KIF21B: variants seen among roughly 807,000 people sequenced by gnomAD.
The protein encoded by KIF21B is kinesin family member 21B, also known as kinesin-like protein KIF21B.
Under a neutral mutation model 192.9 loss-of-function variants are expected in KIF21B, and 85 were observed. The ratio of observed to expected loss-of-function variants is 0.44; its 90% CI spans 0.37 to 0.53. KIF21B has a LOEUF of 0.53. KIF21B is among the 20% of genes least tolerant of loss of function. The probability of loss-of-function intolerance (pLI) is 0.00; values close to 1 mark genes in which losing one functional copy is unlikely to be tolerated. For missense variants in KIF21B, 1,716 were observed against 2,194.8 expected (o/e 0.78, Z 4.36); for synonymous variants, 832 against 884.6 (o/e 0.94, Z 1.05).
Position 200,999,897 on chromosome 1 carries a change from T to C in KIF21B, c.1753A>G (p.Asn585Asp). The C allele has an allele frequency of 1.2e-6, 2 of 1,613,850 alleles. No homozygotes were observed. The highest frequency in any genetic ancestry group is 1.7e-6 in the Non-Finnish European group (2 of 1,180,010). Residue 585 changes from asparagine (N) to aspartate (D), a missense_variant, in exon 12 of 35, where the codon AAC (asparagine) becomes GAC (aspartate). This residue lies in a region of KIF21B where 1,087 missense variants were observed against 1,316.6 expected (regional missense o/e 0.83). Coordinates refer to ENST00000461742, the MANE Select transcript of KIF21B (RefSeq NM_001252102.2). The surrounding 1 kb of genome is among the most constrained non-coding windows in gnomAD (Gnocchi z 4.7). The stretch of plus-strand genomic sequence containing the variant: ...GTGCTCCTCACCTCCTCCGCCTCGT[T>C]CTCATCCGTCTCCTCGCTGTTCTCC... The part of the protein sequence containing the change: ...QQENSEETDE[N>D]EAEEEEEERD...
chr1:201,006,282 G>A (rs1189368667), intron 3 of KIF21B, among the ~76,000 whole-genome samples: 1 of 152,244 alleles, frequency 6.6e-6, no homozygotes, highest in East Asian at 1.9e-4. Flanking sequence ...GTGGGGAGGG[G>A]GCCTGGCCAG....
At position 200,979,403 on chromosome 1, in the gene KIF21B, T is replaced by G. The variant is rs568412712; in HGVS notation, c.4160+132A>C. On this transcript the variant is annotated intron_variant, in intron 30 of 34. Coordinates refer to ENST00000461742, the MANE Select transcript of KIF21B (RefSeq NM_001252102.2). Reference sequence around the variant, plus strand: ...GTACCCCAGGGTCAAGCCAAGTTCATAGGCTGGTAATGGTCTCTGTGCCCA... The same window carrying G: ...GTACCCCAGGGTCAAGCCAAGTTCAGAGGCTGGTAATGGTCTCTGTGCCCA... The G allele has an allele frequency of 1.5e-5, 9 of 600,854 alleles. 1 individual carries two copies. In the South Asian group the frequency reaches 2.3e-4, roughly 15 times the overall value. The allele number at this position is 600,854 out of a possible 1,614,324, so 37.2% of individuals were successfully genotyped here.
intron 3 of KIF21B, among the ~76,000 whole-genome samples, chr1:201,007,128 A>T (rs1222675790): frequency 5.7e-4 from 84 of 146,254 alleles, no homozygotes; most frequent in East Asian, 1.0e-3. Flanking sequence ...AGACACCCAC[A>T]CACAGACACA....
At chr1:200,980,823 G>T in intron 29 of KIF21B, 137 bp downstream of exon 29, 1 of 1,079,458 alleles carries the variant, frequency 9.3e-7, no homozygotes, top group Non-Finnish European at 1.3e-6. Context: ...AGAAACAAGG[G>T]TAGTAAGCAA....
intron 30 of KIF21B, among the ~76,000 whole-genome samples, chr1:200,978,186 AT>A (rs1655685074): frequency 6.6e-6 from 1 of 151,564 alleles, no homozygotes; most frequent in Non-Finnish European, 1.5e-5. Flanking sequence ...AGTAGCTGGG[AT>A]TACAGGCATG....
At chr1:200,974,151 G>A (rs1653852459) in intron 34 of KIF21B, 6 of 1,595,030 alleles carry the variant, frequency 3.8e-6, no homozygotes, top group Non-Finnish European at 5.1e-6. Flanking sequence ...GGAAGGCAGG[G>A]GGTGAGTCCA....
In KIF21B at chr1:201,004,417, C is replaced by A; in HGVS notation, c.939G>T (p.Gln313His). 1 of 1,581,768 alleles carries A rather than the reference C, an allele frequency of 6.3e-7. No individual in the cohort carries two copies. Among genetic ancestry groups the A allele is most frequent in the East Asian group, 2.3e-5 (1 of 43,830 alleles). ...AGGGAACGTGCACCACCTTCTTGCT[C>A]TGGTCCCCTAAGGCGCTGATCACAT... ...LGNVISALGD[Q>H]SKKVVHVPYR... Residue 313 changes from glutamine (Q) to histidine (H), a missense_variant, in exon 7 of 35, where the codon CAG (glutamine) becomes CAT (histidine). Gln to His is a conservative substitution (Grantham distance 24, BLOSUM62 0). Coordinates refer to ENST00000461742, the MANE Select transcript of KIF21B (RefSeq NM_001252102.2).
intron 23 of KIF21B, 43 bp downstream of exon 23, chr1:200,988,450 A>T (rs545612344): frequency 6.2e-7 from 1 of 1,609,646 alleles, no homozygotes; most frequent in African/African-American, 1.3e-5. Context: ...AGCCCCAGGT[A>T]CATGCTGTGA....
At chr1:200,976,080 C>A (rs192326354) in intron 32 of KIF21B, among the ~76,000 whole-genome samples, 1 of 152,204 alleles carries the variant, frequency 6.6e-6, no homozygotes, top group East Asian at 1.9e-4. Flanking sequence ...CCCTGAAAAC[C>A]CTACTTCTTT....
At chr1:201,016,356 G>A (rs1312013120) in intron 1 of KIF21B, among the ~76,000 whole-genome samples, 1 of 152,218 alleles carries the variant, frequency 6.6e-6, no homozygotes, top group Non-Finnish European at 1.5e-5. Flanking sequence ...GCTGAAGCCT[G>A]GAGCAGGGAG....
chr1:200,986,965 C>T (rs1395641712), intron 25 of KIF21B, 31 bp downstream of exon 25: 1 of 1,612,868 alleles, frequency 6.2e-7, no homozygotes, highest in Non-Finnish European at 8.5e-7. Context: ...TCCACCTCCA[C>T]TCCAACCCAC....
At position 201,023,314 on chromosome 1, in the gene KIF21B, G is replaced by A. The variant is rs2102493601; in HGVS notation, c.41+29C>T. ...GAGACAAAGCCCGAGGCTTCTCCGC[G>A]CGCCCCCTTCCCCGCCCCGGGTCCC... is the stretch of plus-strand genomic sequence containing the variant. On this transcript the variant is annotated intron_variant, in intron 1 of 34. Transcript: ENST00000461742. The surrounding 1 kb of genome is among the most constrained non-coding windows in gnomAD (Gnocchi z 5.9). 2.0e-6 allele frequency: 3 copies of A among 1,517,734 alleles called. No homozygotes were observed. Among genetic ancestry groups the A allele is most frequent in the East Asian group, 5.4e-5 (2 of 37,304 alleles). 94.0% of individuals were successfully genotyped at this position (1,517,734 alleles called of 1,614,324 possible). A position where few individuals can be genotyped will look rare whatever the true frequency, so the allele number is the denominator to read the frequency against.
chr1:200,989,580 T>C (rs1238665293), intron 21 of KIF21B, among the ~76,000 whole-genome samples: 1 of 152,190 alleles, frequency 6.6e-6, no homozygotes, highest in Non-Finnish European at 1.5e-5. Context: ...GTAGTTCCCC[T>C]ACCCCCACAT....
At chr1:200,973,699 G>A (rs1655347638) in intron 34 of KIF21B, 121 bp from the exon 35 acceptor site, 1 of 1,499,036 alleles carries the variant, frequency 6.7e-7, no homozygotes. Flanking sequence ...TTGGGGCTGG[G>A]AGGCAAGCAT....
intron 8 of KIF21B, 124 bp from the exon 9 acceptor site, chr1:201,002,474 T>C: frequency 2.5e-6 from 2 of 801,628 alleles, no homozygotes; most frequent in East Asian, 5.0e-5. Context: ...GCATCACCAG[T>C]CTCCCCTGCC....
At position 200,982,130 on chromosome 1, in the gene KIF21B, C is replaced by G. The variant is rs1328220803; in HGVS notation, c.3842+926G>C. ...GTGGTCGGATACGTCCAGCTGCCAG[C>G]CAGGTGCCACACATGCACAAATAGC... is the stretch of plus-strand genomic sequence containing the variant. On this transcript the variant is annotated intron_variant, in intron 28 of 34. Coordinates refer to ENST00000461742, the MANE Select transcript of KIF21B (RefSeq NM_001252102.2). This position sits in a 1 kb window ranked among gnomAD's most constrained non-coding sequence, Gnocchi z 4.7. Among the ~76,000 whole-genome samples, 1 of 152,164 alleles carries G rather than the reference C, an allele frequency of 6.6e-6. No individual in the cohort carries two copies. Among genetic ancestry groups the G allele is most frequent in the Non-Finnish European group, 1.5e-5 (1 of 68,024 alleles).
At chr1:200,986,454 T>A (rs1571923431) in intron 26 of KIF21B, among the ~76,000 whole-genome samples, 1 of 151,476 alleles carries the variant, frequency 6.6e-6, no homozygotes, top group East Asian at 2.0e-4. Flanking sequence ...GCCTCCCAGG[T>A]TCGAACCATT....
intron 8 of KIF21B, 56 bp from the exon 9 acceptor site, chr1:201,002,406 T>A: frequency 6.6e-7 from 1 of 1,517,966 alleles, no homozygotes; most frequent in Non-Finnish European, 9.1e-7. Context: ...GTTGGGGGGG[T>A]AAGGGGCTGA....
intron 34 of KIF21B, chr1:200,974,190 A>G: frequency 6.4e-7 from 1 of 1,553,760 alleles, no homozygotes. Flanking sequence ...TTTACCCGGC[A>G]GTCACTGTGT....
Sources: allele counts gnomAD v4.1 joint callset (sites outside exome capture counted in the v4.1 genomes callset), GRCh38; gene constraint gnomAD v4.1.1; regional missense constraint gnomAD v4.1.1; non-coding constraint Gnocchi (gnomAD v3.1); transcripts MANE v1.5; gene names NCBI Gene and HGNC (gene_info 2026-07-23, HGNC 2026-07-21).